The following LANCL2 variants were observed in gnomAD, a reference collection of about 807,000 sequenced individuals.
LANCL2 encodes lanC-like protein 2.
LANCL2 carries 33 observed loss-of-function variants against 56.9 expected under a neutral mutation model. The ratio of observed to expected loss-of-function variants is 0.58; its 90% CI spans 0.44 to 0.78. The LOEUF is 0.78. Ranked by LOEUF, LANCL2 falls within the 30% of genes least tolerant of loss-of-function variation. The pLI is 0.00. For synonymous variants in LANCL2, 233 were observed against 228.2 expected (o/e 1.02, Z -0.19); for missense variants, 562 against 580.2 (o/e 0.97, Z 0.32).
At chr7:55,386,113 T>C (rs1790122781) in intron 1 of LANCL2, among the ~76,000 whole-genome samples, 1 of 152,326 alleles carries the variant, frequency 6.6e-6, no homozygotes, top group East Asian at 1.9e-4. Context: ...GCATTTCATA[T>C]TGCCCAAACA....
chr7:55,388,478 A>G (rs1466570212), intron 1 of LANCL2, among the ~76,000 whole-genome samples: 2 of 152,166 alleles, frequency 1.3e-5, no homozygotes, highest in African/African-American at 4.8e-5. Flanking sequence ...CCTGGGAGGC[A>G]GAGGCTGCAG....
rs778159616 is a variant in LANCL2, at chr7:55,428,377, T to G, written c.1188T>G (p.Phe396Leu). The G allele has an allele frequency of 6.2e-7, 1 of 1,613,882 alleles. No individual in the cohort carries two copies. ...DKKYLYRACK[F>L]AEWCLDYGAH... ...AAAAGAAATCCCTTTCTTTTCAGTT[T>G]GCAGAGTGGTGTCTAGATTACGGAG... The change falls in exon 8 of 9, where the codon TTT (phenylalanine) becomes TTG (leucine). Residue 396 changes from phenylalanine to leucine, a missense_variant and splice_region_variant. Physicochemically the swap from Phe to Leu is conservative, Grantham distance 22. This residue lies in a region of LANCL2 where 378 missense variants were observed against 468.4 expected (regional missense o/e 0.81). Transcript: ENST00000254770.
At chr7:55,380,181 A>G (rs1215823638) in intron 1 of LANCL2, among the ~76,000 whole-genome samples, 1 of 152,222 alleles carries the variant, frequency 6.6e-6, no homozygotes, top group Non-Finnish European at 1.5e-5. Context: ...GGCAACTAAT[A>G]AATATAATGT....
rs370244318 is a variant in LANCL2, at chr7:55,366,057, T to G, written c.32T>G (p.Leu11Arg). MGETMSKRLK[L>R]HLGGEAEMEE... Reference sequence around the variant, plus strand: ...GAGACCATGTCAAAGAGGCTGAAGCTCCACCTGGGAGGGGAGGCAGAAATG... The same window carrying G: ...GAGACCATGTCAAAGAGGCTGAAGCGCCACCTGGGAGGGGAGGCAGAAATG... Residue 11 changes from leucine (L) to arginine (R), a missense_variant, in exon 1 of 9, where the codon CTC becomes CGC. Coordinates refer to ENST00000254770, the MANE Select transcript of LANCL2 (RefSeq NM_018697.4). 1.3e-6 allele frequency: 2 copies of G among 1,521,076 alleles called. No individual in the cohort carries two copies. Among genetic ancestry groups the G allele is most frequent in the Middle Eastern group, 1.7e-4 (1 of 5,822 alleles). The allele number at this position is 1,521,076 out of a possible 1,614,324, so 94.2% of individuals were successfully genotyped here. A position where few individuals can be genotyped will look rare whatever the true frequency, so the allele number is the denominator to read the frequency against.
At chr7:55,424,780 A>G (rs1042150750) in intron 6 of LANCL2, among the ~76,000 whole-genome samples, 11 of 152,228 alleles carry the variant, frequency 7.2e-5, no homozygotes, top group African/African-American at 2.2e-4. Context: ...CGAAGCTTCA[A>G]CTGTATTTAC....
At chr7:55,399,360 TGAGATGGAA>T (rs1562863285) in intron 3 of LANCL2, among the ~76,000 whole-genome samples, 4 of 142,884 alleles carry the variant, frequency 2.8e-5, no homozygotes, top group Non-Finnish European at 3.0e-5. Context: ...TTTTTTTTTC[TGAGATGGAA>T]TTTCGCTCTT....
intron 6 of LANCL2, among the ~76,000 whole-genome samples, chr7:55,413,667 G>A (rs557308373): frequency 1.3e-5 from 2 of 152,202 alleles, no homozygotes; most frequent in African/African-American, 2.4e-5. Flanking sequence ...AGGTGGCTGC[G>A]GCCAGCTCCT....
At chr7:55,402,910 C>T (rs905251152) in intron 5 of LANCL2, among the ~76,000 whole-genome samples, 3 of 151,406 alleles carry the variant, frequency 2.0e-5, no homozygotes, top group Non-Finnish European at 4.4e-5. Flanking sequence ...TCCTCACTTC[C>T]TAGATGGGAT....
intron 4 of LANCL2, among the ~76,000 whole-genome samples, 192 bp downstream of exon 4, chr7:55,400,296 G>A (rs927929205): frequency 1.9e-4 from 29 of 152,246 alleles, no homozygotes; most frequent in African/African-American, 6.5e-4. Flanking sequence ...CTTTCATCTT[G>A]TATTAATTTA....
rs79193739 is a variant in LANCL2 at position 55,366,697 on chromosome 7, G to A, written c.204+468G>A. ...GTCTGTGTGCCCAGAAATGGGAAGC[G>A]GGTGTAAGGGGAGGCCAAACTTGAC... On this transcript the variant is annotated intron_variant, in intron 1 of 8. Transcript: ENST00000254770. Among the ~76,000 whole-genome samples the A allele has an allele frequency of 8.2e-3, 1,243 of 152,344 alleles. 20 individuals are homozygous for A. The highest frequency in any genetic ancestry group is 0.029 in the African/African-American group (1,190 of 41,578).
chr7:55,379,545 G>A (rs1790042452), intron 1 of LANCL2: 2 of 152,568 alleles, frequency 1.3e-5, no homozygotes, highest in South Asian at 4.1e-4. Flanking sequence ...GACTAGATAC[G>A]GGCTAGGAAC....
intron 7 of LANCL2, 139 bp from the exon 8 acceptor site, chr7:55,428,236 G>A: frequency 1.4e-6 from 1 of 714,282 alleles, no homozygotes; most frequent in Non-Finnish European, 2.5e-6. Context: ...AGGGGGTGCA[G>A]TAGCCCATGG....
At position 55,366,009 on chromosome 7, in the gene LANCL2, G is replaced by C; in HGVS notation, c.-17G>C. The C allele has an allele frequency of 1.4e-6, 2 of 1,425,340 alleles. No individual in the cohort carries two copies. The highest frequency in any genetic ancestry group is 1.8e-6 in the Non-Finnish European group (2 of 1,083,412). The allele number at this position is 1,425,340 out of a possible 1,614,324, so 88.3% of individuals were successfully genotyped here. A position where few individuals can be genotyped will look rare whatever the true frequency, so the allele number is the denominator to read the frequency against. On this transcript the variant is annotated 5_prime_UTR_variant, in exon 1 of 9. Transcript: ENST00000254770. ...ACAGGAGGTTTGTCCCCGCCCGCGC[G>C]CCGTACCGCGGCGGAGATGGGCGAG...
intron 5 of LANCL2, among the ~76,000 whole-genome samples, chr7:55,402,758 C>CA (rs1181884584): frequency 1.6e-5 from 2 of 125,058 alleles, no homozygotes; most frequent in African/African-American, 6.4e-5. Context: ...CCTCACTTCT[C>CA]AGACGGGGCG....
At chr7:55,376,665 T>A (rs1269972267) in intron 1 of LANCL2, among the ~76,000 whole-genome samples, 1 of 152,258 alleles carries the variant, frequency 6.6e-6, no homozygotes, top group Non-Finnish European at 1.5e-5. Flanking sequence ...GAAGTAAGAT[T>A]GTCTTCGGAT....
rs956560054 is a variant in LANCL2, at chr7:55,433,580, G to A, written c.*2260G>A. On this transcript the variant is annotated 3_prime_UTR_variant, in exon 9 of 9. Coordinates refer to ENST00000254770, the MANE Select transcript of LANCL2 (RefSeq NM_018697.4). ...TACATCTCATTCATTTCTTAGATTT[G>A]TATTCACAATTGTGTTCTCTAAAAT... 6.6e-6 allele frequency: 1 copy of A among 152,190 alleles called. No homozygotes were observed. Among genetic ancestry groups the A allele is most frequent in the African/African-American group, 2.4e-5 (1 of 41,448 alleles). 9.4% of individuals were successfully genotyped at this position (152,190 alleles called of 1,614,324 possible).
At chr7:55,395,015 ACT>A (rs952933894) in intron 2 of LANCL2, among the ~76,000 whole-genome samples, 9 of 151,956 alleles carry the variant, frequency 5.9e-5, no homozygotes, top group African/African-American at 2.2e-4. Flanking sequence ...AGCAGTGGGC[ACT>A]CCTGATACAA....
chr7:55,408,668 CAAAAAAAAAG>C (rs1203708988), intron 5 of LANCL2, among the ~76,000 whole-genome samples: 5 of 135,880 alleles, frequency 3.7e-5, no homozygotes, highest in Admixed American at 1.5e-4. Flanking sequence ...GACCCTGTCT[CAAAAAAAAAG>C]AAAAAAAAAG....
chr7:55,425,888 C>G (rs1471251492), intron 7 of LANCL2, among the ~76,000 whole-genome samples: 1 of 152,218 alleles, frequency 6.6e-6, no homozygotes, highest in Non-Finnish European at 1.5e-5. Flanking sequence ...TATGCTCCTC[C>G]GCTGAGTTGA....
Sources: allele counts gnomAD v4.1 joint callset (sites outside exome capture counted in the v4.1 genomes callset), GRCh38; gene constraint gnomAD v4.1.1; regional missense constraint gnomAD v4.1.1; transcripts MANE v1.5; gene names NCBI Gene and HGNC (gene_info 2026-07-23, HGNC 2026-07-21).